Variants in CELF2 observed in about 807,000 individuals in gnomAD.
CELF2 encodes the protein CUGBP Elav-like family member 2.
In CELF2, 8 loss-of-function variants were observed where a neutral mutation model predicts 62.6. The ratio of observed to expected loss-of-function variants is 0.13; its 90% CI spans 0.07 to 0.23. The LOEUF (loss-of-function observed/expected upper bound fraction) is 0.23. CELF2 is among the 10% of genes least tolerant of loss of function. The pLI, the probability that CELF2 is intolerant of heterozygous loss-of-function variation, is 1.00. For synonymous variants in CELF2, 258 were observed against 250.0 expected, an observed-to-expected ratio of 1.03 and a Z score of -0.30; for missense variants, 333 against 671.0, an observed-to-expected ratio of 0.50 and a Z score of 5.56.
chr10:11,285,826 G>GGTGTGTGT lies in CELF2; in HGVS notation c.842-2547_842-2540dup, dbSNP rs71378788. Among the ~76,000 whole-genome samples the GGTGTGTGT allele has an allele frequency of 7.8e-6, 1 of 128,698 alleles. No homozygotes were observed. The highest frequency in any genetic ancestry group is 2.9e-5 in the African/African-American group (1 of 33,926). The allele number at this position is 128,698 out of a possible 152,430, so 84.4% of individuals were successfully genotyped here. ...TTGCTCATCACCTACTATATATATT[G>GGTGTGTGT]GTGTGTGTGTGTGTGTGTGTGTGTG... On this transcript the variant is annotated intron_variant, in intron 8 of 12. Transcript: ENST00000633077. The surrounding 1 kb of genome is among the most constrained non-coding windows in gnomAD (Gnocchi z 4.3).
chr10:10,930,947 G>A (rs1294958034), intron 2 of CELF2, among the ~76,000 whole-genome samples: 1 of 152,086 alleles, frequency 6.6e-6, no homozygotes, highest in East Asian at 1.9e-4. Context: ...AAACAAAACA[G>A]GTTGGAGAGT....
the CELF2 span, among the ~76,000 whole-genome samples, chr10:10,705,776 C>T: frequency 6.6e-6 from 1 of 152,190 alleles, no homozygotes; most frequent in African/African-American, 2.4e-5. Context: ...TTGGCAACCT[C>T]GTAACACAGG....
chr10:11,154,852 C>T (rs577372954), intron 1 of CELF2, among the ~76,000 whole-genome samples: 2 of 152,290 alleles, frequency 1.3e-5, no homozygotes, highest in South Asian at 2.1e-4. Context: ...CTCCACCCAT[C>T]GCCCTTATTT....
chr10:10,767,095 G>T, the CELF2 span, among the ~76,000 whole-genome samples: 1,930 of 152,240 alleles, frequency 0.013, 23 homozygotes, highest in Middle Eastern at 0.02. Context: ...GAGCTGAAAT[G>T]CAGCAATAAC....
chr10:11,059,376 G>A lies in CELF2; in HGVS notation c.74+41213G>A, dbSNP rs565604125. Among the ~76,000 whole-genome samples, 194 of 151,856 alleles carry A rather than the reference G, an allele frequency of 1.3e-3. 1 individual carries two copies. The highest frequency in any genetic ancestry group is 4.4e-3 in the African/African-American group (183 of 41,304). On this transcript the variant is annotated intron_variant, in intron 1 of 12. Coordinates refer to ENST00000633077, the MANE Select transcript of CELF2 (RefSeq NM_001326342.2). ...ATCATTTGGCCTGGTAATTTGGGAG[G>A]GTTTGAGCCATTTTACTAAGGTGGG...
At chr10:10,734,762 G>T in the CELF2 span, among the ~76,000 whole-genome samples, 3 of 152,166 alleles carry the variant, frequency 2.0e-5, no homozygotes, top group African/African-American at 7.2e-5. Flanking sequence ...GTAAGCATAT[G>T]GCCCTTTCTA....
At chr10:11,113,823 G>C (rs551918270) in intron 1 of CELF2, among the ~76,000 whole-genome samples, 2 of 152,078 alleles carry the variant, frequency 1.3e-5, no homozygotes, top group African/African-American at 2.4e-5. Context: ...ACAAAAGCAA[G>C]GTTCTTGATT....
At chr10:10,499,700 A>C in the CELF2 span, among the ~76,000 whole-genome samples, 3 of 152,200 alleles carry the variant, frequency 2.0e-5, no homozygotes, top group Non-Finnish European at 4.4e-5. Context: ...CAACGTGGTG[A>C]AATCCTATCT....
rs1023081149 is a variant in CELF2, at chr10:11,269,893, G to T, written c.619-773G>T. 2.0e-5 allele frequency among the ~76,000 whole-genome samples: 3 copies of T among 152,172 alleles called. No individual in the cohort carries two copies. The highest frequency in any genetic ancestry group is 7.2e-5 in the African/African-American group (3 of 41,432). On this transcript the variant is annotated intron_variant, in intron 6 of 12. Coordinates refer to ENST00000633077, the MANE Select transcript of CELF2 (RefSeq NM_001326342.2). The surrounding 1 kb of genome is among the most constrained non-coding windows in gnomAD (Gnocchi z 4.4). ...CTGAAAGAAGCTGCTAGAATGGTGA[G>T]ATTCATTAGGGAAAGAAGCCAAGTG...
intron 2 of CELF2, among the ~76,000 whole-genome samples, chr10:11,183,069 C>A (rs1046760638): frequency 3.3e-5 from 5 of 152,214 alleles, no homozygotes; most frequent in African/African-American, 1.2e-4. Flanking sequence ...TCACAACAAT[C>A]AAAATAACAA....
chr10:11,175,664 GC>G (rs1270249992), intron 2 of CELF2, among the ~76,000 whole-genome samples: 2 of 152,190 alleles, frequency 1.3e-5, no homozygotes, highest in African/African-American at 4.8e-5. Context: ...TTAATGCAGA[GC>G]CCTTTTGTAA....
intron 2 of CELF2, among the ~76,000 whole-genome samples, chr10:11,179,618 C>G (rs1337671261): frequency 1.3e-5 from 2 of 152,178 alleles, no homozygotes; most frequent in African/African-American, 4.8e-5. Context: ...ACCCTACGTG[C>G]CAGGCAGTGT....
chr10:10,615,435 G>A, the CELF2 span, among the ~76,000 whole-genome samples: 2 of 152,038 alleles, frequency 1.3e-5, no homozygotes, highest in African/African-American at 4.8e-5. Flanking sequence ...TATCCTCTTC[G>A]CAGATTATTT....
At chr10:10,880,397 G>T (rs1416563756) in intron 1 of CELF2, among the ~76,000 whole-genome samples, 1 of 152,108 alleles carries the variant, frequency 6.6e-6, no homozygotes, top group Non-Finnish European at 1.5e-5. Flanking sequence ...ATTCTGAACA[G>T]GAAGAAAATA....
chr10:10,587,919 A>G, the CELF2 span, among the ~76,000 whole-genome samples: 54 of 152,144 alleles, frequency 3.5e-4, no homozygotes, highest in Non-Finnish European at 6.3e-4. Flanking sequence ...CAGATTTGGG[A>G]AAAGGTTTAC....
At chr10:10,492,071 A>T in the CELF2 span, among the ~76,000 whole-genome samples, 2 of 151,946 alleles carry the variant, frequency 1.3e-5, no homozygotes, top group African/African-American at 2.4e-5. Context: ...TTTAGGATTT[A>T]TTCTATTTTT....
chr10:10,829,429 T>C (rs762036100), intron 1 of CELF2, among the ~76,000 whole-genome samples: 2 of 152,194 alleles, frequency 1.3e-5, no homozygotes, highest in Non-Finnish European at 2.9e-5. Flanking sequence ...TATCACCCCA[T>C]ATCTGAGACT....
At chr10:10,465,333 A>G in the CELF2 span, among the ~76,000 whole-genome samples, 2 of 152,182 alleles carry the variant, frequency 1.3e-5, no homozygotes, top group Non-Finnish European at 2.9e-5. Context: ...CAGCAGGTAG[A>G]CTAGAAAATG....
chr10:11,043,299 C>G (rs938521268), intron 1 of CELF2, among the ~76,000 whole-genome samples: 2 of 152,214 alleles, frequency 1.3e-5, no homozygotes, highest in African/African-American at 4.8e-5. Context: ...TGTCTCCTGA[C>G]TCACCGTCAC....
Sources: allele counts gnomAD v4.1 joint callset (sites outside exome capture counted in the v4.1 genomes callset), GRCh38; gene constraint gnomAD v4.1.1; non-coding constraint Gnocchi (gnomAD v3.1); transcripts MANE v1.5; gene names NCBI Gene and HGNC (gene_info 2026-07-23, HGNC 2026-07-21).